Variants in RPS6KA3 observed in about 807,000 individuals in gnomAD.
RPS6KA3 encodes the protein ribosomal protein S6 kinase A3, also known as ribosomal protein S6 kinase alpha-3.
In RPS6KA3, 4 loss-of-function variants were observed where a neutral mutation model predicts 67.2. That is an observed-to-expected ratio of 0.06 (90% confidence interval 0.03 to 0.14). RPS6KA3 has a LOEUF of 0.14. RPS6KA3 is among the 10% of genes least tolerant of loss of function. RPS6KA3 has a pLI of 1.00. For missense variants in RPS6KA3, 204 were observed against 559.0 expected (o/e 0.36, Z 6.40); for synonymous variants, 182 against 183.7 (o/e 0.99, Z 0.07).
intron 1 of RPS6KA3, among the ~76,000 whole-genome samples, chrX:20,265,233 T>C (rs1025876338): frequency 3.6e-5 from 4 of 111,870 alleles, no homozygotes; most frequent in African/African-American, 1.3e-4. Context: ...AAAATTGTTA[T>C]ACAGCAGCGG....
In RPS6KA3 at chrX:20,155,319, T is replaced by C. The variant is rs2067165026; in HGVS notation, c.*79A>G. 9.0e-7 allele frequency: 1 copy of C among 1,107,354 alleles called. No homozygotes were observed. Among genetic ancestry groups the C allele is most frequent in the African/African-American group, 1.8e-5 (1 of 54,904 alleles). 91.3% of individuals were successfully genotyped at this position (1,107,354 alleles called of 1,213,427 possible). ...GGGACAGTGTGTGCTTGCAGGTGTC[T>C]CTCAGATACGTGCTACCTGTCGCCA... On this transcript the variant is annotated 3_prime_UTR_variant, in exon 22 of 22. Transcript: ENST00000379565.
chrX:20,265,679 G>C (rs2070357027), intron 1 of RPS6KA3: 1 of 111,223 alleles, frequency 9.0e-6, no homozygotes, highest in Non-Finnish European at 1.9e-5. Flanking sequence ...GATTATTTTC[G>C]CAGACCCCGA....
intron 2 of RPS6KA3, among the ~76,000 whole-genome samples, chrX:20,211,357 T>G (rs1293017381): frequency 1.8e-5 from 2 of 111,102 alleles, no homozygotes; most frequent in African/African-American, 6.5e-5. Context: ...AGCCAGTAAG[T>G]GGTAGACTTA....
intron 17 of RPS6KA3, among the ~76,000 whole-genome samples, chrX:20,166,501 T>C (rs892010928): frequency 1.8e-5 from 2 of 111,501 alleles, no homozygotes; most frequent in Non-Finnish European, 3.8e-5. Context: ...AAAGAATGTA[T>C]TGAAACTGAA....
chrX:20,245,924 C>T (rs7472034), intron 1 of RPS6KA3, among the ~76,000 whole-genome samples: 6,839 of 109,937 alleles, frequency 0.062, 235 homozygotes, highest in Non-Finnish European at 0.097. Flanking sequence ...TCGAGACCAG[C>T]CTGGCCAACA....
intron 13 of RPS6KA3, among the ~76,000 whole-genome samples, chrX:20,175,965 G>T (rs1261783528): frequency 9.0e-6 from 1 of 111,396 alleles, no homozygotes; most frequent in East Asian, 2.8e-4. Flanking sequence ...CCACCTCCCA[G>T]GTTCAAGCGA....
At chrX:20,187,650 T>C (rs1189425859) in intron 9 of RPS6KA3, among the ~76,000 whole-genome samples, 178 bp downstream of exon 9, 1 of 112,073 alleles carries the variant, frequency 8.9e-6, no homozygotes, top group East Asian at 2.8e-4. Flanking sequence ...TAGGATGAGA[T>C]AGACGCAGCT....
chrX:20,164,215 A>G (rs977366245), intron 18 of RPS6KA3, among the ~76,000 whole-genome samples: 1 of 110,578 alleles, frequency 9.0e-6, no homozygotes, highest in Non-Finnish European at 1.9e-5. Flanking sequence ...TGAGGAAGCA[A>G]TTTATTCCTG....
chrX:20,213,793 C>T (rs917811879), intron 2 of RPS6KA3, among the ~76,000 whole-genome samples: 1 of 110,310 alleles, frequency 9.1e-6, no homozygotes, highest in African/African-American at 3.3e-5. Flanking sequence ...TTCATGCTCT[C>T]TCTATAGCCT....
intron 10 of RPS6KA3, among the ~76,000 whole-genome samples, chrX:20,184,223 A>G (rs2067915769): frequency 9.1e-6 from 1 of 110,060 alleles, no homozygotes; most frequent in Admixed American, 9.7e-5. Context: ...TAATTTTTGT[A>G]TTTTTAGTAG....
intron 2 of RPS6KA3, among the ~76,000 whole-genome samples, chrX:20,224,728 C>CTTCCTAGAGCACTGAGCGGGAT: frequency 9.0e-6 from 1 of 111,334 alleles, no homozygotes; most frequent in Non-Finnish European, 1.9e-5. Flanking sequence ...ATGGTAGTGT[C>CTTCCTAGAGCACTGAGCGGGAT]TTCCTAGAGC....
intron 1 of RPS6KA3, chrX:20,265,418 C>T (rs1247084499): frequency 8.9e-6 from 1 of 112,227 alleles, no homozygotes; most frequent in African/African-American, 3.3e-5. Context: ...CAGCGGCTGC[C>T]GCCAAGCACA....
chrX:20,193,653 G>T, intron 6 of RPS6KA3, 60 bp from the exon 7 acceptor site: 1 of 707,673 alleles, frequency 1.4e-6, no homozygotes, highest in Non-Finnish European at 2.1e-6. Flanking sequence ...AATTTTTAAA[G>T]TTCCACTCTA....
chrX:20,261,881 G>A (rs948182373), intron 1 of RPS6KA3, among the ~76,000 whole-genome samples: 2 of 112,266 alleles, frequency 1.8e-5, no homozygotes, highest in Admixed American at 9.5e-5. Context: ...ACTGATGGGA[G>A]TGGGGTGGAA....
chrX:20,229,093 G>A (rs1325110857), intron 2 of RPS6KA3, among the ~76,000 whole-genome samples: 1 of 109,186 alleles, frequency 9.2e-6, no homozygotes, highest in African/African-American at 3.4e-5. Context: ...CCCCAAATGC[G>A]ACAACTCAAA....
chrX:20,266,924 C>T, upstream of RPS6KA3: 1 of 678,664 alleles, frequency 1.5e-6, no homozygotes, highest in Non-Finnish European at 1.8e-6. Context: ...CTCCTCCTTC[C>T]GCCGCCGGGA....
intron 17 of RPS6KA3, 142 bp from the exon 18 acceptor site, chrX:20,165,202 A>G: frequency 2.0e-6 from 1 of 509,347 alleles, no homozygotes; most frequent in East Asian, 3.6e-5. Flanking sequence ...TAAAATACTG[A>G]TAATGTAAAG....
chrX:20,256,172 C>CAA (rs35947983), intron 1 of RPS6KA3, among the ~76,000 whole-genome samples: 775 of 14,369 alleles, frequency 0.054, 109 homozygotes, highest in African/African-American at 0.096. Context: ...GACACCGTCT[C>CAA]AAAAAAAAAA....
chrX:20,215,813 C>T (rs576699273), intron 2 of RPS6KA3, among the ~76,000 whole-genome samples: 12 of 112,135 alleles, frequency 1.1e-4, no homozygotes, highest in African/African-American at 2.9e-4. Flanking sequence ...CAGTGATAAG[C>T]CAAGAACAGA....
Sources: gnomAD v4.1 joint callset for allele counts (sites outside exome capture counted in the v4.1 genomes callset) on GRCh38, gnomAD v4.1.1 for gene constraint, MANE v1.5 for transcripts, NCBI Gene and HGNC (gene_info 2026-07-23, HGNC 2026-07-21) for gene names.